LHFPL3: variants seen among roughly 807,000 people sequenced by gnomAD.
LHFPL3 encodes LHFPL tetraspan subfamily member 3 protein.
LHFPL3 carries 5 observed loss-of-function variants against 19.3 expected under a neutral mutation model. That is an observed-to-expected ratio of 0.26 (90% CI 0.14 to 0.54). The LOEUF is 0.54. Among genes scored for constraint, LHFPL3 ranks in the 20% least tolerant of loss-of-function variants. LHFPL3 has a pLI of 0.94. For synonymous variants in LHFPL3, 133 were observed against 126.2 expected, an observed-to-expected ratio of 1.05 and a Z score of -0.36; for missense variants, 249 against 307.4, an observed-to-expected ratio of 0.81 and a Z score of 1.42.
chr7:104,420,996 A>G (rs533897780), intron 1 of LHFPL3, among the ~76,000 whole-genome samples: 1 of 152,336 alleles, frequency 6.6e-6, no homozygotes, highest in East Asian at 1.9e-4. Context: ...AAGGAATCAG[A>G]CAGATGGGCC....
At chr7:104,854,815 T>C (rs1303103606) in intron 2 of LHFPL3, among the ~76,000 whole-genome samples, 1 of 152,222 alleles carries the variant, frequency 6.6e-6, no homozygotes, top group African/African-American at 2.4e-5. Flanking sequence ...TTTTAAATGA[T>C]ATTTTTTAAA....
At chr7:104,860,186 A>C (rs866189634) in intron 2 of LHFPL3, among the ~76,000 whole-genome samples, 1 of 148,988 alleles carries the variant, frequency 6.7e-6, no homozygotes, top group East Asian at 1.9e-4. Flanking sequence ...ACCCACACAC[A>C]CACACACACA....
intron 1 of LHFPL3, among the ~76,000 whole-genome samples, chr7:104,491,789 C>G (rs142611592): frequency 7.6e-4 from 115 of 152,282 alleles, no homozygotes; most frequent in African/African-American, 2.6e-3. Flanking sequence ...TCTATATCAT[C>G]CAAATTAAAT....
In LHFPL3 at chr7:104,529,422, A is replaced by G. The variant is rs115525061; in HGVS notation, c.445+200198A>G. Among the ~76,000 whole-genome samples the G allele has an allele frequency of 2.4e-3, 360 of 152,218 alleles. 1 individual carries two copies. The highest frequency in any genetic ancestry group is 7.1e-3 in the African/African-American group (294 of 41,542). On this transcript the variant is annotated intron_variant, in intron 1 of 2. Transcript: ENST00000424859. ...AGGCTCTTTTGAGGGTTATGAGTGC[A>G]TGACTGTGCCGTTCCCACTGCCTGT...
At chr7:104,347,296 G>A (rs560309440) in intron 1 of LHFPL3, among the ~76,000 whole-genome samples, 20 of 152,138 alleles carry the variant, frequency 1.3e-4, no homozygotes, top group African/African-American at 4.8e-4. Context: ...CCAAGCCATT[G>A]CTACTCCACT....
At chr7:104,835,119 C>T (rs766800693) in intron 2 of LHFPL3, among the ~76,000 whole-genome samples, 1 of 151,878 alleles carries the variant, frequency 6.6e-6, no homozygotes, top group Non-Finnish European at 1.5e-5. Flanking sequence ...TTACCAGCTG[C>T]GTAGCCTTGG....
intron 1 of LHFPL3, among the ~76,000 whole-genome samples, chr7:104,695,771 A>C (rs1002615018): frequency 6.6e-6 from 1 of 152,222 alleles, no homozygotes; most frequent in African/African-American, 2.4e-5. Flanking sequence ...TAGATAAACA[A>C]GGGCAACCAA....
intron 1 of LHFPL3, among the ~76,000 whole-genome samples, chr7:104,522,040 T>C (rs1244156443): frequency 6.6e-6 from 1 of 152,088 alleles, no homozygotes; most frequent in Non-Finnish European, 1.5e-5. Flanking sequence ...TTACTGGGTA[T>C]ATACCCAAAG....
intron 1 of LHFPL3, among the ~76,000 whole-genome samples, chr7:104,466,146 T>C (rs947710713): frequency 6.5e-4 from 99 of 152,362 alleles, no homozygotes; most frequent in Non-Finnish European, 8.8e-4. Flanking sequence ...ATGATCTGTC[T>C]AATACTTAAT....
chr7:104,506,532 C>T (rs1190180341), intron 1 of LHFPL3, among the ~76,000 whole-genome samples: 4 of 152,228 alleles, frequency 2.6e-5, no homozygotes, highest in Non-Finnish European at 4.4e-5. Context: ...TTTGTATACC[C>T]AGCACCTACT....
chr7:104,612,599 G>A (rs1791231929), intron 1 of LHFPL3, among the ~76,000 whole-genome samples: 1 of 152,076 alleles, frequency 6.6e-6, no homozygotes, highest in South Asian at 2.1e-4. Flanking sequence ...GATTTCTTTG[G>A]CTTCGAAAAT....
chr7:104,371,556 C>A (rs1790615970), intron 1 of LHFPL3, among the ~76,000 whole-genome samples: 2 of 152,176 alleles, frequency 1.3e-5, no homozygotes, highest in Non-Finnish European at 2.9e-5. Flanking sequence ...TCACTTCGGA[C>A]TGAAACTTTA....
chr7:104,371,411 A>G (rs1027761245), intron 1 of LHFPL3, among the ~76,000 whole-genome samples: 2 of 152,154 alleles, frequency 1.3e-5, no homozygotes, highest in African/African-American at 2.4e-5. Flanking sequence ...ATTTGGATAT[A>G]GTTCTCTCAT....
intron 1 of LHFPL3, among the ~76,000 whole-genome samples, chr7:104,711,583 T>A (rs1359346764): frequency 6.6e-6 from 1 of 152,162 alleles, no homozygotes; most frequent in Non-Finnish European, 1.5e-5. Context: ...AGGTGACCCA[T>A]TCTCTTGGAA....
chr7:104,417,206 G>A (rs1023296556), intron 1 of LHFPL3, among the ~76,000 whole-genome samples: 8 of 152,122 alleles, frequency 5.3e-5, no homozygotes, highest in African/African-American at 1.9e-4. Context: ...CGTGACATTT[G>A]TGTGCCTGTA....
intron 1 of LHFPL3, among the ~76,000 whole-genome samples, chr7:104,513,166 A>G (rs1466219970): frequency 6.6e-6 from 1 of 152,154 alleles, no homozygotes; most frequent in East Asian, 1.9e-4. Context: ...AGAAAACTTT[A>G]TTTTTCAATG....
intron 1 of LHFPL3, among the ~76,000 whole-genome samples, chr7:104,611,340 A>G (rs1324320960): frequency 6.6e-6 from 1 of 152,224 alleles, no homozygotes; most frequent in South Asian, 2.1e-4. Context: ...GGTCAGTTCC[A>G]CAGCTGGAGT....
intron 1 of LHFPL3, among the ~76,000 whole-genome samples, chr7:104,384,893 A>T (rs180738792): frequency 6.6e-6 from 1 of 152,244 alleles, no homozygotes; most frequent in African/African-American, 2.4e-5. Flanking sequence ...CTTAAGCAAG[A>T]ACCATCCAAA....
chr7:104,886,537 G>A (rs910746441), intron 2 of LHFPL3, among the ~76,000 whole-genome samples: 12 of 152,104 alleles, frequency 7.9e-5, no homozygotes, highest in African/African-American at 2.9e-4. Context: ...GCTAATTTTT[G>A]TATTTTTAGT....
Sources: gnomAD v4.1 joint callset for allele counts (sites outside exome capture counted in the v4.1 genomes callset) on GRCh38, gnomAD v4.1.1 for gene constraint, MANE v1.5 for transcripts, NCBI Gene and HGNC (gene_info 2026-07-23, HGNC 2026-07-21) for gene names.